Variants in DOCK2 observed in about 807,000 individuals in gnomAD.
DOCK2 encodes the protein dedicator of cytokinesis protein 2.
In DOCK2, 87 loss-of-function variants were observed where a neutral mutation model predicts 248.9. The observed-to-expected ratio is 0.35, with a 90% CI of 0.29 to 0.42. The LOEUF (loss-of-function observed/expected upper bound fraction) is 0.42. DOCK2 is among the 10% of genes least tolerant of loss of function. The pLI is 1.00. For missense variants in DOCK2, 1,747 were observed against 2,300.2 expected, an observed-to-expected ratio of 0.76 and a Z score of 4.92; for synonymous variants, 805 against 821.6, an observed-to-expected ratio of 0.98 and a Z score of 0.35.
intron 28 of DOCK2, among the ~76,000 whole-genome samples, chr5:169,985,003 C>T (rs1259969782): frequency 6.6e-6 from 1 of 152,186 alleles, no homozygotes; most frequent in Non-Finnish European, 1.5e-5. Context: ...ACTGCAACCT[C>T]CGCCTCCTGG....
At chr5:169,934,807 A>G (rs778392016) in intron 27 of DOCK2, 21 of 440,296 alleles carry the variant, frequency 4.8e-5, no homozygotes, top group Non-Finnish European at 9.2e-5. Context: ...TATTATCTGT[A>G]TGATAAATTG....
At chr5:169,752,973 G>A (rs1763983646) in intron 23 of DOCK2, among the ~76,000 whole-genome samples, 1 of 152,158 alleles carries the variant, frequency 6.6e-6, no homozygotes, top group African/African-American at 2.4e-5. Flanking sequence ...GCTGAGGTAG[G>A]AGAATTGCTT....
intron 32 of DOCK2, among the ~76,000 whole-genome samples, chr5:170,016,541 A>ATC (rs1296411042): frequency 6.6e-6 from 1 of 152,196 alleles, no homozygotes. Context: ...GGAGATCACC[A>ATC]TCTCTCTCTC....
intron 2 of DOCK2, among the ~76,000 whole-genome samples, chr5:169,665,312 A>G (rs1026027731): frequency 7.0e-6 from 1 of 142,948 alleles, no homozygotes; most frequent in Non-Finnish European, 1.5e-5. Flanking sequence ...ATATATGTTT[A>G]TATATAAGTA....
intron 14 of DOCK2, 24 bp from the exon 15 acceptor site, chr5:169,708,145 C>T: frequency 3.1e-6 from 5 of 1,610,856 alleles, no homozygotes; most frequent in Non-Finnish European, 4.2e-6. Flanking sequence ...AGTCTTTTCC[C>T]TCACTTTGTT....
At chr5:169,906,141 C>T (rs1389505186) in intron 27 of DOCK2, among the ~76,000 whole-genome samples, 1 of 152,188 alleles carries the variant, frequency 6.6e-6, no homozygotes, top group Non-Finnish European at 1.5e-5. Context: ...TTCATTCGTG[C>T]AGTAAATCCT....
intron 23 of DOCK2, among the ~76,000 whole-genome samples, chr5:169,751,712 G>A (rs1052141227): frequency 5.3e-5 from 8 of 152,230 alleles, no homozygotes; most frequent in Non-Finnish European, 7.4e-5. Flanking sequence ...CTGAGTCGGC[G>A]TGGCAGCAGC....
At position 169,724,182 on chromosome 5, in the gene DOCK2, C is replaced by T. The variant is rs543437612; in HGVS notation, c.2267+5391C>T. Among the ~76,000 whole-genome samples the T allele has an allele frequency of 3.3e-5, 5 of 152,116 alleles. No homozygotes were observed. The South Asian group carries it at 6.2e-4, about 19-fold the overall frequency. ...GGGCGACTCTGACTGGAGGGGCTGA[C>T]GTACTGAGTGACATTAGGGGCTGCT... On this transcript the variant is annotated intron_variant, in intron 22 of 51. Transcript: ENST00000520908.
intron 27 of DOCK2, among the ~76,000 whole-genome samples, chr5:169,881,135 C>G (rs898818448): frequency 6.6e-6 from 1 of 152,166 alleles, no homozygotes; most frequent in African/African-American, 2.4e-5. Flanking sequence ...TACCATGATG[C>G]CTGCACTTAG....
At chr5:169,641,085 G>A (rs186378809) in intron 1 of DOCK2, among the ~76,000 whole-genome samples, 8 of 152,296 alleles carry the variant, frequency 5.3e-5, no homozygotes, top group South Asian at 4.1e-4. Context: ...CCAACTTCAC[G>A]TGGTATTCTC....
rs757403007 is a variant in DOCK2, at chr5:169,708,248, G to A, written c.1463G>A (p.Arg488His). 13 of 1,613,642 alleles carry A rather than the reference G, an allele frequency of 8.1e-6. No homozygotes were observed. Among genetic ancestry groups the A allele is most frequent in the Non-Finnish European group, 9.3e-6 (11 of 1,179,894 alleles). Residue 488 changes from arginine (R) to histidine (H), a missense_variant, in exon 15 of 52, where the codon CGC becomes CAC. By Grantham distance (29) the Arg-to-His change is conservative. Coordinates refer to ENST00000520908, the MANE Select transcript of DOCK2 (RefSeq NM_004946.3). ...GTGTACTATCAAGTCAAACAGCCAC[G>A]CTGGATGGAAACAGTCAAGGTAATA... The part of the protein sequence containing the change: ...SVVYYQVKQP[R>H]WMETVKVAVP...
chr5:169,649,856 T>G (rs1296835733), intron 1 of DOCK2, among the ~76,000 whole-genome samples: 4 of 151,464 alleles, frequency 2.6e-5, no homozygotes, highest in Non-Finnish European at 4.4e-5. Flanking sequence ...CGGGCTGGAG[T>G]GCAGTGGTGT....
chr5:169,784,006 A>G (rs1352891087), intron 25 of DOCK2, among the ~76,000 whole-genome samples: 2 of 152,192 alleles, frequency 1.3e-5, no homozygotes, highest in African/African-American at 4.8e-5. Context: ...TGATGAGGTG[A>G]TTTGTAAGGC....
chr5:169,848,530 C>T (rs1770450043), intron 27 of DOCK2, among the ~76,000 whole-genome samples: 2 of 152,220 alleles, frequency 1.3e-5, no homozygotes, highest in South Asian at 4.1e-4. Flanking sequence ...GAGGGCTGTC[C>T]CGTCTCCTGC....
chr5:169,932,537 C>T (rs2113685476), intron 27 of DOCK2, among the ~76,000 whole-genome samples: 1 of 152,320 alleles, frequency 6.6e-6, no homozygotes, highest in African/African-American at 2.4e-5. Flanking sequence ...GCATGCCTCA[C>T]TGATGCTTTT....
chr5:170,003,032 G>T (rs1754894363), intron 30 of DOCK2, among the ~76,000 whole-genome samples: 2 of 152,218 alleles, frequency 1.3e-5, no homozygotes, highest in South Asian at 4.1e-4. Flanking sequence ...ATTGTGCTGA[G>T]CATGGAATTA....
At chr5:169,703,646 G>A (rs1047685445) in intron 14 of DOCK2, among the ~76,000 whole-genome samples, 1 of 152,130 alleles carries the variant, frequency 6.6e-6, no homozygotes, top group African/African-American at 2.4e-5. Flanking sequence ...TTGCCTTTTT[G>A]TTCATAAAGA....
At chr5:169,698,340 G>C (rs754982651) in intron 10 of DOCK2, 34 bp from the exon 11 acceptor site, 5 of 1,606,468 alleles carry the variant, frequency 3.1e-6, no homozygotes, top group Admixed American at 3.3e-5. Context: ...ACAGGAAGAA[G>C]TTAAACCATT....
At chr5:169,754,784 CT>C (rs1302748719) in intron 23 of DOCK2, among the ~76,000 whole-genome samples, 8 of 152,258 alleles carry the variant, frequency 5.3e-5, no homozygotes, top group Admixed American at 1.3e-4. Flanking sequence ...TTAACTTCTT[CT>C]CCATGCCATA....
Sources: gnomAD v4.1 joint callset for allele counts (sites outside exome capture counted in the v4.1 genomes callset) on GRCh38, gnomAD v4.1.1 for gene constraint, MANE v1.5 for transcripts, NCBI Gene and HGNC (gene_info 2026-07-23, HGNC 2026-07-21) for gene names.